The following ZC3H3 variants were observed in gnomAD, a reference collection of about 807,000 sequenced individuals.
The protein encoded by ZC3H3 is zinc finger CCCH domain-containing protein 3.
ZC3H3 carries 36 observed loss-of-function variants against 77.3 expected under a neutral mutation model. The ratio of observed to expected loss-of-function variants is 0.47; its 90% CI spans 0.36 to 0.61. ZC3H3 has a LOEUF of 0.61. ZC3H3 is among the 20% of genes least tolerant of loss of function. ZC3H3 has a pLI of 0.00. For synonymous variants in ZC3H3, 626 were observed against 555.2 expected (o/e 1.13, Z -1.79); for missense variants, 1,331 against 1,312.2 (o/e 1.01, Z -0.22).
intron 4 of ZC3H3, among the ~76,000 whole-genome samples, chr8:143,479,360 T>C (rs1025090569): frequency 6.6e-6 from 1 of 152,008 alleles, no homozygotes; most frequent in Non-Finnish European, 1.5e-5. Context: ...CGAACTGCAT[T>C]GAGAAGGGGG....
intron 4 of ZC3H3, among the ~76,000 whole-genome samples, chr8:143,506,953 C>T (rs771379029): frequency 6.6e-6 from 1 of 152,368 alleles, no homozygotes; most frequent in South Asian, 2.1e-4. Context: ...CTCTGGCCCA[C>T]GCCACTCCCC....
intron 4 of ZC3H3, among the ~76,000 whole-genome samples, chr8:143,496,504 G>C (rs1362288686): frequency 2.0e-5 from 3 of 152,228 alleles, no homozygotes; most frequent in African/African-American, 7.2e-5. Flanking sequence ...CTGAGAACCA[G>C]AATAACAGAG....
chr8:143,490,155 G>A (rs1393616472), intron 4 of ZC3H3, among the ~76,000 whole-genome samples: 3 of 152,212 alleles, frequency 2.0e-5, no homozygotes, highest in Non-Finnish European at 2.9e-5. Flanking sequence ...GAGGAAGGTG[G>A]GAGCCTCCCC....
chr8:143,468,787 G>T, intron 5 of ZC3H3, 128 bp from the exon 6 acceptor site: 1 of 1,263,164 alleles, frequency 7.9e-7, no homozygotes, highest in Non-Finnish European at 1.1e-6. Flanking sequence ...TCCCCTCCAG[G>T]AAACTGCCCA....
chr8:143,503,477 T>G (rs1402338620), intron 4 of ZC3H3, among the ~76,000 whole-genome samples: 2 of 151,516 alleles, frequency 1.3e-5, no homozygotes, highest in Non-Finnish European at 2.9e-5. Context: ...AGGCCACTGG[T>G]CAGCACCCAG....
chr8:143,452,171 A>G (rs1003214941), intron 9 of ZC3H3, among the ~76,000 whole-genome samples: 1 of 152,198 alleles, frequency 6.6e-6, no homozygotes, highest in Non-Finnish European at 1.5e-5. Flanking sequence ...CCTGGACTCA[A>G]CCCTGGCCAG....
Position 143,501,287 on chromosome 8 carries a change from A to G in ZC3H3, c.1715+6459T>C, listed in dbSNP as rs890698942. ...ATGATCATGGCTCACTGCGGCCTCAACCTCCTGGGTTCAAGTGATCCTCCT... is the reference window on the plus strand; with the variant it reads ...ATGATCATGGCTCACTGCGGCCTCAGCCTCCTGGGTTCAAGTGATCCTCCT... On this transcript the variant is annotated intron_variant, in intron 4 of 11. Transcript: ENST00000262577. 3.3e-4 allele frequency among the ~76,000 whole-genome samples: 50 copies of G among 151,844 alleles called. 1 individual carries two copies. The highest frequency in any genetic ancestry group is 2.0e-4 in the Admixed American group (3 of 15,244).
chr8:143,470,351 G>A (rs958950879), intron 5 of ZC3H3, among the ~76,000 whole-genome samples: 1 of 152,248 alleles, frequency 6.6e-6, no homozygotes, highest in South Asian at 2.1e-4. Context: ...GTTGAAGAAC[G>A]CAGAAACCTG....
intron 9 of ZC3H3, among the ~76,000 whole-genome samples, chr8:143,449,837 A>G (rs1047143627): frequency 2.0e-5 from 3 of 151,642 alleles, no homozygotes; most frequent in Admixed American, 6.6e-5. Flanking sequence ...TGGCAGGAAC[A>G]TAGTGCAGCC....
chr8:143,478,748 G>A (rs1435687989), intron 4 of ZC3H3, among the ~76,000 whole-genome samples: 1 of 152,254 alleles, frequency 6.6e-6, no homozygotes, highest in Non-Finnish European at 1.5e-5. Flanking sequence ...GACCTCAGGT[G>A]ATCTGACGGC....
intron 3 of ZC3H3, among the ~76,000 whole-genome samples, chr8:143,517,146 G>C (rs184517276): frequency 6.6e-6 from 1 of 152,210 alleles, no homozygotes; most frequent in African/African-American, 2.4e-5. Context: ...GCTAGTTCCC[G>C]TTAATTATTG....
intron 4 of ZC3H3, among the ~76,000 whole-genome samples, chr8:143,499,751 C>T (rs1395432691): frequency 6.6e-6 from 1 of 152,134 alleles, no homozygotes; most frequent in South Asian, 2.1e-4. Flanking sequence ...CCCTGGGGAC[C>T]GGGCCAAGCT....
intron 9 of ZC3H3, among the ~76,000 whole-genome samples, chr8:143,446,778 C>G (rs763481854): frequency 1.3e-5 from 2 of 152,284 alleles, no homozygotes; most frequent in Non-Finnish European, 2.9e-5. Context: ...AGCCAATGTC[C>G]ACACTGCCTG....
chr8:143,538,244 T>G lies in ZC3H3; in HGVS notation c.1123A>C (p.Ser375Arg). Residue 375 changes from serine to arginine, a missense_variant, in exon 2 of 12, where the codon AGC becomes CGC. By Grantham distance (110) the Ser-to-Arg change is moderately radical. Around this residue, in one of 3 missense-constraint regions of ZC3H3, gnomAD observed 978 missense variants for 915.5 expected, o/e 1.07. Transcript: ENST00000262577. ...ATSSKPGSAP[S>R]KYKWKASSPS... ...CTGGAGGCCTTCCACTTGTACTTGC[T>G]GGGGGCAGACCCTGGCTTGGAGGAC... is the stretch of plus-strand genomic sequence containing the variant. 6.2e-7 allele frequency: 1 copy of G among 1,613,006 alleles called. No homozygotes were observed. The highest frequency in any genetic ancestry group is 8.5e-7 in the Non-Finnish European group (1 of 1,180,024).
At chr8:143,523,768 G>A (rs545255456) in intron 3 of ZC3H3, among the ~76,000 whole-genome samples, 1 of 152,328 alleles carries the variant, frequency 6.6e-6, no homozygotes, top group Admixed American at 6.5e-5. Flanking sequence ...CAAGAGAAGA[G>A]CTGCTGCCTC....
Position 143,533,520 on chromosome 8 carries a change from C to T in ZC3H3, c.1561+2737G>A, listed in dbSNP as rs1042076048. Among the ~76,000 whole-genome samples the T allele has an allele frequency of 2.0e-5, 3 of 152,108 alleles. No individual in the cohort carries two copies. The highest frequency in any genetic ancestry group is 4.4e-5 in the Non-Finnish European group (3 of 68,014). On this transcript the variant is annotated intron_variant, in intron 3 of 11. Coordinates refer to ENST00000262577, the MANE Select transcript of ZC3H3 (RefSeq NM_015117.3). This position sits in a 1 kb window ranked among gnomAD's most constrained non-coding sequence, Gnocchi z 4.0. Reference sequence around the variant, plus strand: ...GAAGGCGGCTCCAGCCTCATCATCTCTTCACCTTCACTGCAGTATCCCCAG... The same window carrying T: ...GAAGGCGGCTCCAGCCTCATCATCTTTTCACCTTCACTGCAGTATCCCCAG...
Position 143,465,726 on chromosome 8 carries a change from C to T in ZC3H3, c.2298G>A (p.Leu766=). The T allele has an allele frequency of 6.2e-7, 1 of 1,613,856 alleles. No homozygotes were observed. Among genetic ancestry groups the T allele is most frequent in the Non-Finnish European group, 8.5e-7 (1 of 1,179,986 alleles). ...CSDFLKGYCP[L]GAKCKKKHTL... ...CCCACAGACCACTCACCTTTGCACC[C>T]AGGGGGCAGTAGCCTTTGAGGAAGT... Residue 766 remains leucine (L), a synonymous_variant, in exon 9 of 12, where the codon CTG becomes CTA. Coordinates refer to ENST00000262577, the MANE Select transcript of ZC3H3 (RefSeq NM_015117.3).
rs1477387185 is a variant in ZC3H3, at chr8:143,539,013, A to G, written c.354T>C (p.Ser118=). The change falls in exon 2 of 12, where the codon AGT becomes AGC. Residue 118 remains serine (S), a synonymous_variant. Transcript: ENST00000262577. ...QHVLERQVQL[S]QGQNVVIKVK... is the part of the protein sequence containing the mutation. ...CTTTGATGACCACGTTCTGACCCTG[A>G]CTGAGCTGGACCTGTCTCTCAAGGA... The G allele has an allele frequency of 6.2e-7, 1 of 1,612,972 alleles. No homozygotes were observed. Among genetic ancestry groups the G allele is most frequent in the Admixed American group, 1.7e-5 (1 of 60,024 alleles).
chr8:143,515,395 C>T (rs1364983675), intron 3 of ZC3H3, among the ~76,000 whole-genome samples: 1 of 152,250 alleles, frequency 6.6e-6, no homozygotes, highest in East Asian at 1.9e-4. Flanking sequence ...GCACACAAAC[C>T]GGGCCAGTCA....
Sources: allele counts gnomAD v4.1 joint callset (sites outside exome capture counted in the v4.1 genomes callset), GRCh38; gene constraint gnomAD v4.1.1; regional missense constraint gnomAD v4.1.1; non-coding constraint Gnocchi (gnomAD v3.1); transcripts MANE v1.5; gene names NCBI Gene and HGNC (gene_info 2026-07-23, HGNC 2026-07-21).